Variants in ANK3 observed in about 807,000 individuals in gnomAD.
The protein encoded by ANK3 is ankyrin 3.
In ANK3, 57 loss-of-function variants were observed where a neutral mutation model predicts 370.9. The observed-to-expected ratio is 0.15, with a 90% CI of 0.12 to 0.19. The LOEUF is 0.19. Among genes scored for constraint, ANK3 ranks in the 10% least tolerant of loss-of-function variants. The pLI is 1.00. For synonymous variants in ANK3, 1,929 were observed against 1,946.3 expected (o/e 0.99, Z 0.23); for missense variants, 4,439 against 5,302.1 (o/e 0.84, Z 5.06).
intron 13 of ANK3, 82 bp from the exon 14 acceptor site, chr10:60,198,619 G>A (rs1469129278): frequency 1.6e-6 from 2 of 1,288,034 alleles, no homozygotes; most frequent in Non-Finnish European, 2.2e-6. Flanking sequence ...AATATTAGCT[G>A]CTTGATGTAA....
chr10:60,088,479 G>A, intron 28 of ANK3, 121 bp from the exon 29 acceptor site: 3 of 855,164 alleles, frequency 3.5e-6, no homozygotes, highest in Non-Finnish European at 5.4e-6. Flanking sequence ...AGGCTGAAGT[G>A]CAATGGCGTG....
chr10:60,099,546 C>T (rs934295390), intron 28 of ANK3, among the ~76,000 whole-genome samples: 9 of 152,126 alleles, frequency 5.9e-5, no homozygotes, highest in African/African-American at 1.9e-4. Flanking sequence ...TGGAATAATC[C>T]TTCTAAGGTT....
intron 28 of ANK3, among the ~76,000 whole-genome samples, chr10:60,101,582 G>A (rs534055420): frequency 1.3e-5 from 2 of 152,292 alleles, no homozygotes; most frequent in South Asian, 2.1e-4. Flanking sequence ...ATCTATGTCT[G>A]CTGCCAAAGT....
rs200603842 is a variant in ANK3 at position 60,278,909 on chromosome 10, T to C, written c.316-37A>G. On this transcript the variant is annotated intron_variant, in intron 3 of 43. Coordinates refer to ENST00000280772, the MANE Select transcript of ANK3 (RefSeq NM_020987.5). ...AAGTCAAGATATATCAACTCATCGA[T>C]CTTTTGAATTTTCCTGTTCTCCCCA... 2.3e-5 allele frequency: 37 copies of C among 1,601,664 alleles called. No homozygotes were observed. The African/African-American group carries it at 4.4e-4, about 19-fold the overall frequency.
intron 1 of ANK3, among the ~76,000 whole-genome samples, chr10:60,641,392 T>C (rs1359230555): frequency 6.6e-6 from 1 of 152,136 alleles, no homozygotes; most frequent in Non-Finnish European, 1.5e-5. Flanking sequence ...ACTACAAGGC[T>C]ACAGTAACCA....
At chr10:60,424,832 AG>A (rs2063848049) in intron 2 of ANK3, among the ~76,000 whole-genome samples, 1 of 152,062 alleles carries the variant, frequency 6.6e-6, no homozygotes, top group Admixed American at 6.6e-5. Flanking sequence ...AGGTGGTTGC[AG>A]GGATTACATG....
At chr10:60,131,986 C>A (rs954021878) in intron 25 of ANK3, among the ~76,000 whole-genome samples, 1 of 152,136 alleles carries the variant, frequency 6.6e-6, no homozygotes, top group East Asian at 1.9e-4. Flanking sequence ...TGTGATTTTA[C>A]GTTTTGTGGG....
At chr10:60,477,618 G>A (rs989343876) in intron 2 of ANK3, among the ~76,000 whole-genome samples, 1 of 148,240 alleles carries the variant, frequency 6.7e-6, no homozygotes, top group Non-Finnish European at 1.5e-5. Flanking sequence ...AAACCAACAA[G>A]CACAGTAACA....
intron 2 of ANK3, among the ~76,000 whole-genome samples, chr10:60,495,809 A>G (rs1461076521): frequency 6.6e-6 from 1 of 152,150 alleles, no homozygotes; most frequent in Non-Finnish European, 1.5e-5. Context: ...TCAGCCCTCA[A>G]GCACAGAGGC....
At chr10:60,699,294 A>G (rs371741282) in intron 1 of ANK3, among the ~76,000 whole-genome samples, 3 of 152,120 alleles carry the variant, frequency 2.0e-5, no homozygotes, top group East Asian at 3.8e-4. Context: ...ATAGATTAAA[A>G]AAAAGATTAT....
chr10:60,388,716 A>C (rs1454988981), intron 1 of ANK3, among the ~76,000 whole-genome samples: 1 of 152,152 alleles, frequency 6.6e-6, no homozygotes, highest in Non-Finnish European at 1.5e-5. Flanking sequence ...GCTTTGATCT[A>C]AAGCAATCAG....
At chr10:60,158,474 T>G (rs1378616371) in intron 23 of ANK3, among the ~76,000 whole-genome samples, 1 of 151,952 alleles carries the variant, frequency 6.6e-6, no homozygotes, top group East Asian at 1.9e-4. Flanking sequence ...AGTCAAAAAG[T>G]GGGGAGGATG....
intron 25 of ANK3, among the ~76,000 whole-genome samples, chr10:60,124,083 T>A (rs540218726): frequency 3.3e-5 from 5 of 152,336 alleles, no homozygotes; most frequent in African/African-American, 9.6e-5. Flanking sequence ...CCAAGTAATG[T>A]GAAAGTGGCT....
intron 2 of ANK3, among the ~76,000 whole-genome samples, chr10:60,394,887 G>T (rs1007339343): frequency 6.6e-6 from 1 of 152,014 alleles, no homozygotes; most frequent in Non-Finnish European, 1.5e-5. Context: ...TGATAGGAGG[G>T]TTTGGGTGTT....
intron 2 of ANK3, among the ~76,000 whole-genome samples, chr10:60,541,453 G>C (rs1412731773): frequency 1.3e-5 from 2 of 151,964 alleles, no homozygotes; most frequent in Non-Finnish European, 1.5e-5. Flanking sequence ...AGAAATGTGA[G>C]ATAATATTAC....
At chr10:60,207,667 G>C (rs1032537920) in intron 10 of ANK3, among the ~76,000 whole-genome samples, 19 of 152,096 alleles carry the variant, frequency 1.2e-4, no homozygotes, top group Non-Finnish European at 2.4e-4. Context: ...GTTTCAAATA[G>C]AGTTTTTTGA....
chr10:60,237,343 G>A (rs1417063385), intron 7 of ANK3, among the ~76,000 whole-genome samples: 1 of 152,182 alleles, frequency 6.6e-6, no homozygotes, highest in Non-Finnish European at 1.5e-5. Flanking sequence ...CAATAGGAGA[G>A]CTCACTGAGC....
intron 1 of ANK3, among the ~76,000 whole-genome samples, chr10:60,684,304 G>A (rs1298438698): frequency 6.6e-6 from 1 of 152,154 alleles, no homozygotes; most frequent in African/African-American, 2.4e-5. Context: ...CCCACCTGGC[G>A]CTCAGGCCTC....
In ANK3 at chr10:60,130,554, G is replaced by A. The variant is rs187798392; in HGVS notation, c.2841+3717C>T. 1.2e-3 allele frequency among the ~76,000 whole-genome samples: 185 copies of A among 152,230 alleles called. 1 individual carries two copies. Among genetic ancestry groups the A allele is most frequent in the Admixed American group, 2.1e-3 (32 of 15,282 alleles). ...TCTAAATACTGAAAACTTCTTTCACGCTTTCCAACAAAATTATTACTGTGG... is the reference window on the plus strand; with the variant it reads ...TCTAAATACTGAAAACTTCTTTCACACTTTCCAACAAAATTATTACTGTGG... On this transcript the variant is annotated intron_variant, in intron 25 of 43. Transcript: ENST00000280772.
Sources: allele counts gnomAD v4.1 joint callset (sites outside exome capture counted in the v4.1 genomes callset), GRCh38; gene constraint gnomAD v4.1.1; transcripts MANE v1.5; gene names NCBI Gene and HGNC (gene_info 2026-07-23, HGNC 2026-07-21).